SEMA6A: variants seen among roughly 807,000 people sequenced by gnomAD.
SEMA6A encodes the protein semaphorin 6A.
A neutral mutation model predicts 96.8 loss-of-function variants in SEMA6A; 25 were observed. The ratio of observed to expected loss-of-function variants is 0.26; its 90% CI spans 0.19 to 0.36. SEMA6A has a LOEUF of 0.36. Ranked by LOEUF, SEMA6A falls within the 10% of genes least tolerant of loss-of-function variation. The probability of loss-of-function intolerance (pLI) is 1.00; values close to 1 mark genes in which losing one functional copy is unlikely to be tolerated. For missense variants in SEMA6A, 1,363 were observed against 1,323.1 expected (o/e 1.03, Z -0.47); for synonymous variants, 612 against 518.0 (o/e 1.18, Z -2.46).
At chr5:116,549,227 A>G (rs1561531231) in intron 1 of SEMA6A, among the ~76,000 whole-genome samples, 1 of 152,150 alleles carries the variant, frequency 6.6e-6, no homozygotes, top group Non-Finnish European at 1.5e-5. Flanking sequence ...TAGAAATAAA[A>G]ATTTCTCTTG....
chr5:116,484,655 AATC>A (rs1756958092), intron 10 of SEMA6A, among the ~76,000 whole-genome samples: 1 of 152,146 alleles, frequency 6.6e-6, no homozygotes, highest in Non-Finnish European at 1.5e-5. Flanking sequence ...TAATAACAAA[AATC>A]ATAACAACAA....
At position 116,458,063 on chromosome 5, in the gene SEMA6A, A is replaced by C. The variant is rs571179001; in HGVS notation, c.1894+9520T>G. Among the ~76,000 whole-genome samples the C allele has an allele frequency of 7.2e-5, 11 of 152,298 alleles. No homozygotes were observed. The East Asian group carries it at 2.1e-3, about 29-fold the overall frequency. On this transcript the variant is annotated intron_variant, in intron 18 of 18. Coordinates refer to ENST00000343348, the MANE Select transcript of SEMA6A (RefSeq NM_020796.5). ...CTGTGGACTAGTTTGTCTATGGAGC[A>C]GTGAAGTTTGCAAAGTAAAACTTCT...
At chr5:116,529,845 C>T (rs1327350265) in intron 1 of SEMA6A, among the ~76,000 whole-genome samples, 1 of 151,834 alleles carries the variant, frequency 6.6e-6, no homozygotes, top group Non-Finnish European at 1.5e-5. Context: ...TGCTTGAGGG[C>T]GGGTTGGGGG....
intron 1 of SEMA6A, among the ~76,000 whole-genome samples, chr5:116,541,254 C>G (rs1759950579): frequency 6.6e-6 from 1 of 152,160 alleles, no homozygotes; most frequent in African/African-American, 2.4e-5. Flanking sequence ...ATGGCAGATT[C>G]AAATTAACAC....
chr5:116,527,253 TA>T (rs951904784), intron 1 of SEMA6A, among the ~76,000 whole-genome samples: 3 of 150,372 alleles, frequency 2.0e-5, no homozygotes, highest in South Asian at 2.1e-4. Flanking sequence ...TTTTCTGAAC[TA>T]AAAAAAAAGA....
chr5:116,539,639 T>C (rs1301597755), intron 1 of SEMA6A, among the ~76,000 whole-genome samples: 6 of 151,852 alleles, frequency 4.0e-5, no homozygotes, highest in Non-Finnish European at 1.5e-5. Flanking sequence ...ATTTTACTCC[T>C]GTAATCCCCT....
At chr5:116,515,622 TA>T (rs1758634083) in intron 1 of SEMA6A, among the ~76,000 whole-genome samples, 1 of 152,150 alleles carries the variant, frequency 6.6e-6, no homozygotes, top group African/African-American at 2.4e-5. Context: ...TTAGAGGATT[TA>T]AACTAAAATA....
intron 17 of SEMA6A, chr5:116,472,223 T>C (rs1442365728): frequency 6.6e-6 from 1 of 152,216 alleles, no homozygotes; most frequent in Non-Finnish European, 1.5e-5. Context: ...AATATTCTGT[T>C]TATGGGCTTA....
chr5:116,469,866 T>C (rs1756001859), intron 17 of SEMA6A, among the ~76,000 whole-genome samples: 1 of 152,212 alleles, frequency 6.6e-6, no homozygotes, highest in Non-Finnish European at 1.5e-5. Flanking sequence ...CAGATGGTAG[T>C]TAGGTAAGAG....
chr5:116,509,207 A>C (rs993607731), intron 1 of SEMA6A, among the ~76,000 whole-genome samples: 1 of 152,216 alleles, frequency 6.6e-6, no homozygotes, highest in African/African-American at 2.4e-5. Flanking sequence ...ATAATAAGTG[A>C]TAGTGACGTG....
chr5:116,538,562 G>A (rs1759826405), intron 1 of SEMA6A, among the ~76,000 whole-genome samples: 1 of 152,088 alleles, frequency 6.6e-6, no homozygotes, highest in Admixed American at 6.5e-5. Context: ...AGATCGTTCT[G>A]CTCAGAGGAA....
intron 11 of SEMA6A, among the ~76,000 whole-genome samples, chr5:116,481,414 G>A (rs1756761683): frequency 6.6e-6 from 1 of 152,138 alleles, no homozygotes; most frequent in Non-Finnish European, 1.5e-5. Flanking sequence ...CACCTAGTCT[G>A]CTCTCCATAA....
chr5:116,524,351 A>G (rs1157221883), intron 1 of SEMA6A, among the ~76,000 whole-genome samples: 1 of 152,232 alleles, frequency 6.6e-6, no homozygotes, highest in Non-Finnish European at 1.5e-5. Flanking sequence ...CTGACTATTT[A>G]TCATCAGTAG....
At chr5:116,501,649 A>G (rs1326534239) in intron 3 of SEMA6A, among the ~76,000 whole-genome samples, 4 of 152,204 alleles carry the variant, frequency 2.6e-5, no homozygotes, top group Non-Finnish European at 5.9e-5. Flanking sequence ...GCACTTTGGG[A>G]GGCCGAGGTG....
Position 116,461,237 on chromosome 5 carries a change from C to G in SEMA6A, c.1894+6346G>C, listed in dbSNP as rs960048737. Among the ~76,000 whole-genome samples, 3 of 152,086 alleles carry G rather than the reference C, an allele frequency of 2.0e-5. 1 individual carries two copies. Among genetic ancestry groups the G allele is most frequent in the African/African-American group, 2.4e-5 (1 of 41,412 alleles). Reference sequence around the variant, plus strand: ...AACCGTCACAATCAATTCACTATCTCTTCGCGTTCCTTGCCTCTGACCATG... The same window carrying G: ...AACCGTCACAATCAATTCACTATCTGTTCGCGTTCCTTGCCTCTGACCATG... On this transcript the variant is annotated intron_variant, in intron 18 of 18. Transcript: ENST00000343348.
chr5:116,492,899 G>T (rs751616509), intron 6 of SEMA6A, among the ~76,000 whole-genome samples: 1 of 152,140 alleles, frequency 6.6e-6, no homozygotes, highest in Non-Finnish European at 1.5e-5. Context: ...AGAAGCTGTC[G>T]TTTTCCCTGC....
At chr5:116,562,974 C>T in intron 1 of SEMA6A, 1 of 574,878 alleles carries the variant, frequency 1.7e-6, no homozygotes, top group Non-Finnish European at 3.3e-6. Context: ...TCTCTGACAG[C>T]ACCCGCAGGA....
intron 1 of SEMA6A, among the ~76,000 whole-genome samples, chr5:116,551,109 C>T (rs1007556631): frequency 3.9e-5 from 6 of 152,016 alleles, no homozygotes; most frequent in African/African-American, 1.5e-4. Context: ...TTATGGAATT[C>T]ATAAAGCATC....
At chr5:116,544,781 C>T (rs972148112) in intron 1 of SEMA6A, among the ~76,000 whole-genome samples, 1 of 152,146 alleles carries the variant, frequency 6.6e-6, no homozygotes, top group African/African-American at 2.4e-5. Flanking sequence ...GGCAACTATG[C>T]CAGGGGGAAA....
Sources: allele counts gnomAD v4.1 joint callset (sites outside exome capture counted in the v4.1 genomes callset), GRCh38; gene constraint gnomAD v4.1.1; transcripts MANE v1.5; gene names NCBI Gene and HGNC (gene_info 2026-07-23, HGNC 2026-07-21).